Variants in GAP43 observed in about 807,000 individuals in gnomAD.
GAP43 encodes neuromodulin.
Under a neutral mutation model 18.6 loss-of-function variants are expected in GAP43, and 6 were observed. That is an observed-to-expected ratio of 0.32 (90% CI 0.18 to 0.64). The LOEUF (loss-of-function observed/expected upper bound fraction) is 0.64, where lower values mean the gene tolerates loss of function less well. Ranked by LOEUF, GAP43 falls within the 30% of genes least tolerant of loss-of-function variation. The pLI, the probability that GAP43 is intolerant of heterozygous loss-of-function variation, is 0.78. For missense variants in GAP43, 292 were observed against 295.5 expected, an observed-to-expected ratio of 0.99 and a Z score of 0.09; for synonymous variants, 115 against 111.4, an observed-to-expected ratio of 1.03 and a Z score of -0.20.
chr3:115,700,155 A>G (rs1709278877), intron 2 of GAP43, among the ~76,000 whole-genome samples: 2 of 152,344 alleles, frequency 1.3e-5, no homozygotes, highest in East Asian at 3.9e-4. Context: ...ACAACTTTGC[A>G]GAACACCAAC....
At chr3:115,698,140 A>ATATT (rs1709234552) in intron 2 of GAP43, among the ~76,000 whole-genome samples, 1 of 40,756 alleles carries the variant, frequency 2.5e-5, no homozygotes, top group Non-Finnish European at 3.9e-5. Context: ...TAATATATAT[A>ATATT]ATATATATTA....
In GAP43 at chr3:115,720,899, T is replaced by G; in HGVS notation, c.*17T>G. 11 of 1,575,326 alleles carry G rather than the reference T, an allele frequency of 7.0e-6. No individual in the cohort carries two copies. Among genetic ancestry groups the G allele is most frequent in the Non-Finnish European group, 9.6e-6 (11 of 1,145,874 alleles). ...CATGCCTGAACTCTAAGAAATGGCTTTCCACATCCCCACCCTCCCCTCTCC... is the reference window on the plus strand; with the variant it reads ...CATGCCTGAACTCTAAGAAATGGCTGTCCACATCCCCACCCTCCCCTCTCC... On this transcript the variant is annotated 3_prime_UTR_variant, in exon 3 of 3. Coordinates refer to ENST00000305124, the MANE Select transcript of GAP43 (RefSeq NM_002045.4).
chr3:115,674,278 A>T (rs1057094882), intron 1 of GAP43, among the ~76,000 whole-genome samples: 3 of 152,228 alleles, frequency 2.0e-5, no homozygotes, highest in Non-Finnish European at 4.4e-5. Context: ...TGTTCACAAA[A>T]GTGAACAAAA....
chr3:115,720,344 C>A (rs568795000), intron 2 of GAP43, among the ~76,000 whole-genome samples: 7 of 152,284 alleles, frequency 4.6e-5, no homozygotes, highest in African/African-American at 1.7e-4. Flanking sequence ...AATTCAACTA[C>A]TTCACTTTTC....
Position 115,679,901 on chromosome 3 carries a change from T to C in GAP43, c.628+3291T>C, listed in dbSNP as rs186332824. On this transcript the variant is annotated intron_variant, in intron 2 of 2. Coordinates refer to ENST00000305124, the MANE Select transcript of GAP43 (RefSeq NM_002045.4). ...TTCTGTATGTTGATCTTGGCTGCAT[T>C]TTATTTTCATGGTCTCAGTACATCT... Among the ~76,000 whole-genome samples, 9 of 152,318 alleles carry C rather than the reference T, an allele frequency of 5.9e-5. No homozygotes were observed. In the East Asian group the frequency reaches 1.7e-3, roughly 29 times the overall value.
chr3:115,688,688 A>C (rs1709065652), intron 2 of GAP43, among the ~76,000 whole-genome samples: 1 of 152,126 alleles, frequency 6.6e-6, no homozygotes, highest in Non-Finnish European at 1.5e-5. Context: ...GACATCCTAA[A>C]TGCCTCTTCA....
intron 1 of GAP43, among the ~76,000 whole-genome samples, chr3:115,640,965 CCCTT>C (rs139219375): frequency 2.9e-5 from 4 of 137,632 alleles, no homozygotes; most frequent in South Asian, 5.1e-4. Context: ...CTCCCTCCTT[CCCTT>C]CCTTCCTTCC....
At chr3:115,689,208 C>T (rs1464312020) in intron 2 of GAP43, among the ~76,000 whole-genome samples, 1 of 152,196 alleles carries the variant, frequency 6.6e-6, no homozygotes, top group Non-Finnish European at 1.5e-5. Flanking sequence ...CCAACAGTTA[C>T]ATCACATTAC....
chr3:115,659,029 A>T (rs531143576), intron 1 of GAP43: 15 of 152,378 alleles, frequency 9.8e-5, no homozygotes, highest in Admixed American at 9.8e-4. Context: ...ACCTTCTTGT[A>T]CCGCCCACTT....
At chr3:115,679,635 C>T (rs1708935738) in intron 2 of GAP43, among the ~76,000 whole-genome samples, 2 of 152,184 alleles carry the variant, frequency 1.3e-5, no homozygotes, top group South Asian at 4.1e-4. Context: ...GGGTCTCCTG[C>T]TGAGCAGTGT....
At chr3:115,649,339 T>C (rs1198505876) in intron 1 of GAP43, among the ~76,000 whole-genome samples, 1 of 152,070 alleles carries the variant, frequency 6.6e-6, no homozygotes, top group African/African-American at 2.4e-5. Context: ...CTTAATACTA[T>C]TGCATTAGGG....
intron 1 of GAP43, among the ~76,000 whole-genome samples, chr3:115,635,168 C>T (rs1335178778): frequency 6.6e-6 from 1 of 151,982 alleles, no homozygotes; most frequent in Non-Finnish European, 1.5e-5. Flanking sequence ...CTTGTTTATC[C>T]TAATAAAAGA....
intron 1 of GAP43, among the ~76,000 whole-genome samples, chr3:115,653,671 G>A (rs534876378): frequency 3.7e-4 from 57 of 152,062 alleles, no homozygotes; most frequent in Middle Eastern, 6.8e-3. Context: ...CAAATCCCTC[G>A]TTCAGAGACA....
At chr3:115,642,773 A>C (rs7646630) in intron 1 of GAP43, among the ~76,000 whole-genome samples, 27,743 of 152,040 alleles carry the variant, frequency 0.18, 2,584 homozygotes, top group Admixed American at 0.24. Flanking sequence ...ATTAGTTATT[A>C]CTTGTTATTG....
At chr3:115,634,483 AG>A (rs1182226308) in intron 1 of GAP43, among the ~76,000 whole-genome samples, 1 of 152,142 alleles carries the variant, frequency 6.6e-6, no homozygotes, top group Non-Finnish European at 1.5e-5. Context: ...AAGGAAAGAA[AG>A]AAAAAAATTG....
At chr3:115,660,942 G>C (rs1708650312) in intron 1 of GAP43, among the ~76,000 whole-genome samples, 2 of 152,140 alleles carry the variant, frequency 1.3e-5, no homozygotes, top group South Asian at 2.1e-4. Flanking sequence ...TGCTCCCTTA[G>C]CTAATCTCGA....
intron 1 of GAP43, among the ~76,000 whole-genome samples, chr3:115,625,140 G>A (rs1708170670): frequency 6.6e-6 from 1 of 152,026 alleles, no homozygotes; most frequent in Non-Finnish European, 1.5e-5. Flanking sequence ...GAGGATGAAG[G>A]AGAAGGAGCA....
chr3:115,664,469 C>G (rs1418292120), intron 1 of GAP43, among the ~76,000 whole-genome samples: 2 of 152,066 alleles, frequency 1.3e-5, no homozygotes, highest in Admixed American at 6.6e-5. Flanking sequence ...CAAAAAAATT[C>G]TGCACAATAG....
At chr3:115,703,446 G>C (rs990487238) in intron 2 of GAP43, among the ~76,000 whole-genome samples, 2 of 152,004 alleles carry the variant, frequency 1.3e-5, no homozygotes, top group Non-Finnish European at 2.9e-5. Context: ...TGAGTATCTG[G>C]AATAATTTAC....
Sources: gnomAD v4.1 joint callset for allele counts (sites outside exome capture counted in the v4.1 genomes callset) on GRCh38, gnomAD v4.1.1 for gene constraint, MANE v1.5 for transcripts, NCBI Gene and HGNC (gene_info 2026-07-23, HGNC 2026-07-21) for gene names.